Variants in CENPF observed in about 807,000 individuals in gnomAD.
CENPF encodes AH antigen.
A neutral mutation model predicts 307.3 loss-of-function variants in CENPF; 214 were observed. The ratio of observed to expected loss-of-function variants is 0.70; its 90% CI spans 0.62 to 0.78. The LOEUF is 0.78. Ranked by LOEUF, CENPF falls within the 30% of genes least tolerant of loss-of-function variation. The pLI is 0.00. For synonymous variants in CENPF, 1,259 were observed against 1,270.6 expected (o/e 0.99, Z 0.19); for missense variants, 3,401 against 3,483.9 (o/e 0.98, Z 0.60).
intron 11 of CENPF, among the ~76,000 whole-genome samples, chr1:214,638,979 A>G (rs1658033873): frequency 6.6e-6 from 1 of 152,234 alleles, no homozygotes; most frequent in Non-Finnish European, 1.5e-5. Context: ...GCTCACAGCA[A>G]AGTGGGATGA....
Position 214,644,828 on chromosome 1 carries a change from G to C in CENPF, c.5258G>C (p.Gly1753Ala). 2 of 1,614,020 alleles carry C rather than the reference G, an allele frequency of 1.2e-6. No individual in the cohort carries two copies. The highest frequency in any genetic ancestry group is 1.7e-6 in the Non-Finnish European group (2 of 1,179,988). Reference protein sequence around the residue: ...SECISELSFSGPNALVPMDFL... With the variant: ...SECISELSFSAPNALVPMDFL... The stretch of plus-strand genomic sequence containing the variant: ...TGCATTTCTGAATTGTCATTTTCTG[G>C]TCCTAATGCTTTGGTACCTATGGAT... The change falls in exon 13 of 20, where the codon GGT becomes GCT. Residue 1753 changes from glycine (G) to alanine (A), a missense_variant. Transcript: ENST00000366955.
rs1258593754 is a variant in CENPF at position 214,659,206 on chromosome 1, G to A, written c.9141+178G>A. 1.3e-5 allele frequency among the ~76,000 whole-genome samples: 2 copies of A among 152,006 alleles called. No homozygotes were observed. Among genetic ancestry groups the A allele is most frequent in the Admixed American group, 1.3e-4 (2 of 15,252 alleles). On this transcript the variant is annotated intron_variant, in intron 19 of 19. Transcript: ENST00000366955. This position sits in a 1 kb window ranked among gnomAD's most constrained non-coding sequence, Gnocchi z 4.4. ...GACCGGGTGAGCATTACAGTATCAG[G>A]GTACATGATCTCATCCTTCAGTCAA...
At position 214,645,133 on chromosome 1, in the gene CENPF, G is replaced by C. The variant is rs1415048810; in HGVS notation, c.5563G>C (p.Glu1855Gln). The stretch of plus-strand genomic sequence containing the variant: ...GGAATATTTTTCTTGTGATCACCAG[G>C]AGTTACTCCAGAGAGTAGAAACTTC... ...KLEYFSCDHQ[E>Q]LLQRVETSEG... The change falls in exon 13 of 20, where the codon GAG (glutamate) becomes CAG (glutamine). Residue 1855 changes from glutamate to glutamine, a missense_variant. By Grantham distance (29) the Glu-to-Gln change is conservative. Transcript: ENST00000366955. 1 of 1,613,728 alleles carries C rather than the reference G, an allele frequency of 6.2e-7. No individual in the cohort carries two copies. Among genetic ancestry groups the C allele is most frequent in the South Asian group, 1.1e-5 (1 of 91,022 alleles).
rs1329236495 is a variant in CENPF at position 214,647,036 on chromosome 1, T to C, written c.7466T>C (p.Leu2489Pro). ...ELEKAQLLQG[L>P]DEAKNNYIVL... Reference sequence around the variant, plus strand: ...GAGAAGGCTCAGTTGCTACAAGGCCTTGATGAGGCCAAAAATAATTATATT... The same window carrying C: ...GAGAAGGCTCAGTTGCTACAAGGCCCTGATGAGGCCAAAAATAATTATATT... Residue 2489 changes from leucine to proline, a missense_variant, in exon 13 of 20, where the codon CTT becomes CCT. Coordinates refer to ENST00000366955, the MANE Select transcript of CENPF (RefSeq NM_016343.4). The C allele has an allele frequency of 1.9e-6, 3 of 1,613,966 alleles. No individual in the cohort carries two copies. Among genetic ancestry groups the C allele is most frequent in the African/African-American group, 1.3e-5 (1 of 74,920 alleles).
intron 10 of CENPF, among the ~76,000 whole-genome samples, chr1:214,634,216 A>G (rs1264155723): frequency 6.6e-6 from 1 of 152,200 alleles, no homozygotes; most frequent in African/African-American, 2.4e-5. Flanking sequence ...GAAAGTGTCT[A>G]GCACCGGGCC....
rs1415565672 is a variant in CENPF, at chr1:214,664,387, T to G, written c.*593T>G. On this transcript the variant is annotated 3_prime_UTR_variant, in exon 20 of 20. Transcript: ENST00000366955. ...ACCTGTACATATGTGTGTGTGGGTA[T>G]GTGTTTATTTCCAGTGAGGGCTGCA... 1.3e-5 allele frequency: 2 copies of G among 152,454 alleles called. No homozygotes were observed. Among genetic ancestry groups the G allele is most frequent in the Non-Finnish European group, 2.9e-5 (2 of 68,230 alleles). The allele number at this position is 152,454 out of a possible 1,614,324, so 9.4% of individuals were successfully genotyped here.
chr1:214,643,323 A>G lies in CENPF; in HGVS notation c.4985A>G (p.Asp1662Gly). 2 of 1,479,542 alleles carry G rather than the reference A, an allele frequency of 1.4e-6. No homozygotes were observed. Among genetic ancestry groups the G allele is most frequent in the Non-Finnish European group, 1.8e-6 (2 of 1,116,840 alleles). 91.7% of individuals were successfully genotyped at this position (1,479,542 alleles called of 1,614,324 possible). Residue 1662 changes from aspartate to glycine, a missense_variant and splice_region_variant, in exon 12 of 20, where the codon GAT (aspartate) becomes GGT (glycine). Asp to Gly is a moderately conservative substitution (Grantham distance 94). Coordinates refer to ENST00000366955, the MANE Select transcript of CENPF (RefSeq NM_016343.4). ...TCTTTGCTTGGCATCGACACAGAAG[A>G]TGTAAGTACCTGGGATTTAAATGCC... is the stretch of plus-strand genomic sequence containing the variant. ...SRSLLGIDTE[D>G]AIQGRNESCD...
In CENPF at chr1:214,646,456, G is replaced by A. The variant is rs763405487; in HGVS notation, c.6886G>A (p.Glu2296Lys). 3 of 1,614,110 alleles carry A rather than the reference G, an allele frequency of 1.9e-6. No individual in the cohort carries two copies. The Admixed American group carries it at 5.0e-5, about 27-fold the overall frequency. Reference protein sequence around the residue: ...EQSLDPPIEEEHQLRNSIEKL... With the variant: ...EQSLDPPIEEKHQLRNSIEKL... ...GAGTCTAGACCCACCAATAGAGGAA[G>A]AGCATCAGCTGAGAAATAGCATTGA... Residue 2296 changes from glutamate to lysine, a missense_variant, in exon 13 of 20, where the codon GAG becomes AAG. By Grantham distance (56) the Glu-to-Lys change is moderately conservative (BLOSUM62 1). Transcript: ENST00000366955.
intron 1 of CENPF, among the ~76,000 whole-genome samples, chr1:214,610,873 AG>A (rs1292643847): frequency 6.6e-6 from 1 of 152,150 alleles, no homozygotes; most frequent in Non-Finnish European, 1.5e-5. Flanking sequence ...TGGTGTAAGG[AG>A]GGGGTCCAGT....
intron 3 of CENPF, 54 bp from the exon 4 acceptor site, chr1:214,618,519 T>C: frequency 1.9e-6 from 3 of 1,595,806 alleles, no homozygotes; most frequent in Non-Finnish European, 1.7e-6. Context: ...GCATTGATAT[T>C]CTGTAGCCTT....
chr1:214,640,928 G>A lies in CENPF; in HGVS notation c.2590G>A (p.Glu864Lys). The change falls in exon 12 of 20, where the codon GAA (glutamate) becomes AAA (lysine). Residue 864 changes from glutamate (E) to lysine (K), a missense_variant. By Grantham distance (56) the Glu-to-Lys change is moderately conservative (BLOSUM62 1). Transcript: ENST00000366955. Reference protein sequence around the residue: ...EELVQIKGEIEENLMKAEQMH... With the variant: ...EELVQIKGEIKENLMKAEQMH... Reference sequence around the variant, plus strand: ...GTTGGTGCAAATCAAAGGAGAAATAGAAGAAAATCTCATGAAAGCAGAACA... The same window carrying A: ...GTTGGTGCAAATCAAAGGAGAAATAAAAGAAAATCTCATGAAAGCAGAACA... The A allele has an allele frequency of 6.2e-7, 1 of 1,608,768 alleles. No individual in the cohort carries two copies. Among genetic ancestry groups the A allele is most frequent in the Non-Finnish European group, 8.5e-7 (1 of 1,178,806 alleles).
intron 11 of CENPF, among the ~76,000 whole-genome samples, chr1:214,639,212 T>G (rs1658041265): frequency 6.6e-6 from 1 of 152,176 alleles, no homozygotes; most frequent in Admixed American, 6.5e-5. Context: ...TCGTGGTTAT[T>G]CCCAACCAGG....
In CENPF at chr1:214,646,392, C is replaced by T; in HGVS notation, c.6822C>T (p.Ala2274=). ...AGGAGCTAAATGAGGCAGTAGCAGCCTTGTGTGGTGACCAAGAAATTATGA... is the reference window on the plus strand; with the variant it reads ...AGGAGCTAAATGAGGCAGTAGCAGCTTTGTGTGGTGACCAAGAAATTATGA... The part of the protein sequence containing the change: ...QLKELNEAVA[A]LCGDQEIMKA... The change falls in exon 13 of 20, where the codon GCC becomes GCT. Residue 2274 remains alanine, a synonymous_variant. Transcript: ENST00000366955. 6.2e-7 allele frequency: 1 copy of T among 1,614,066 alleles called. No individual in the cohort carries two copies. The highest frequency in any genetic ancestry group is 8.5e-7 in the Non-Finnish European group (1 of 1,180,004).
chr1:214,652,267 T>A (rs335528), intron 15 of CENPF, among the ~76,000 whole-genome samples: 81 of 151,156 alleles, frequency 5.4e-4, no homozygotes, highest in South Asian at 4.2e-4. Flanking sequence ...GATCTCCTGA[T>A]CTTGTGATCT....
chr1:214,609,734 C>T (rs1248215569), intron 1 of CENPF, among the ~76,000 whole-genome samples: 1 of 152,148 alleles, frequency 6.6e-6, no homozygotes, highest in Non-Finnish European at 1.5e-5. Flanking sequence ...GCTCTTCCTC[C>T]TCCAACTCTC....
In CENPF at chr1:214,652,318, A is replaced by C. The variant is rs948853356; in HGVS notation, c.8160+432A>C. Among the ~76,000 whole-genome samples the C allele has an allele frequency of 6.8e-4, 104 of 151,892 alleles. 1 individual carries two copies. Among genetic ancestry groups the C allele is most frequent in the Admixed American group, 7.9e-4 (12 of 15,254 alleles). On this transcript the variant is annotated intron_variant, in intron 15 of 19. Coordinates refer to ENST00000366955, the MANE Select transcript of CENPF (RefSeq NM_016343.4). ...CCAAAGTGCTGGGATTACAGGCGTG[A>C]GCCACTGCGCCTGGCCCGGTTGATT...
chr1:214,647,830 TCAGGA>T, intron 13 of CENPF: 2 of 323,004 alleles, frequency 6.2e-6, no homozygotes, highest in Admixed American at 3.8e-5. Context: ...TTTTTTGCCT[TCAGGA>T]CAAAGCACTT....
chr1:214,646,677 A>C lies in CENPF; in HGVS notation c.7107A>C (p.Leu2369=), dbSNP rs142607504. 3 of 1,613,952 alleles carry C rather than the reference A, an allele frequency of 1.9e-6. No homozygotes were observed. The African/African-American group carries it at 4.0e-5, about 22-fold the overall frequency. The change falls in exon 13 of 20, where the codon CTA becomes CTC. Residue 2369 remains leucine (L), a synonymous_variant. Coordinates refer to ENST00000366955, the MANE Select transcript of CENPF (RefSeq NM_016343.4). The part of the protein sequence containing the change: ...AENSKGEVET[L]KAKIEGMTQS... ...ATTCCAAAGGAGAGGTAGAGACCCTAAAAGCAAAAATAGAAGGGATGACCC... is the reference window on the plus strand; with the variant it reads ...ATTCCAAAGGAGAGGTAGAGACCCTCAAAGCAAAAATAGAAGGGATGACCC...
At chr1:214,644,119 T>C (rs1168721079) in intron 12 of CENPF, among the ~76,000 whole-genome samples, 1 of 152,218 alleles carries the variant, frequency 6.6e-6, no homozygotes, top group African/African-American at 2.4e-5. Context: ...GGGGATTAAG[T>C]CCTTGGACTG....
Sources: allele counts gnomAD v4.1 joint callset (sites outside exome capture counted in the v4.1 genomes callset), GRCh38; gene constraint gnomAD v4.1.1; non-coding constraint Gnocchi (gnomAD v3.1); transcripts MANE v1.5; gene names NCBI Gene and HGNC (gene_info 2026-07-23, HGNC 2026-07-21).